EYA1: variants seen among roughly 807,000 people sequenced by gnomAD.
EYA1 encodes the protein EYA transcriptional coactivator and phosphatase 1.
EYA1 carries 16 observed loss-of-function variants against 82.0 expected under a neutral mutation model. That is an observed-to-expected ratio of 0.20 (90% CI 0.13 to 0.30). The LOEUF is 0.30. EYA1 is among the 10% of genes least tolerant of loss of function. The pLI, the probability that EYA1 is intolerant of heterozygous loss-of-function variation, is 1.00. For synonymous variants in EYA1, 261 were observed against 264.4 expected (o/e 0.99, Z 0.12); for missense variants, 633 against 730.7 (o/e 0.87, Z 1.54).
chr8:71,226,312 C>T (rs1810548471), intron 12 of EYA1, among the ~76,000 whole-genome samples: 1 of 151,870 alleles, frequency 6.6e-6, no homozygotes, highest in Admixed American at 6.6e-5. Flanking sequence ...CTTACAGAAT[C>T]CCAAAGGTAT....
chr8:71,331,250 A>C (rs1370193140), intron 4 of EYA1, among the ~76,000 whole-genome samples: 1 of 59,896 alleles, frequency 1.7e-5, no homozygotes, highest in African/African-American at 7.4e-5. Context: ...ATAAATACAC[A>C]CACACACACA....
chr8:71,500,856 A>T lies in EYA1; in HGVS notation c.33+34888T>A, dbSNP rs140610372. ...TAAAAGACCTTTAAAAGCAACATAGATTCCTTACCTCAGCCAAATCTTCAT... is the reference window on the plus strand; with the variant it reads ...TAAAAGACCTTTAAAAGCAACATAGTTTCCTTACCTCAGCCAAATCTTCAT... On this transcript the variant is annotated intron_variant, in intron 2 of 18. Coordinates refer to the EYA1 transcript ENST00000643681. 2.3e-3 allele frequency among the ~76,000 whole-genome samples: 354 copies of T among 152,292 alleles called. 3 individuals are homozygous for T. The highest frequency in any genetic ancestry group is 0.016 in the East Asian group (81 of 5,176).
chr8:71,268,660 T>C (rs1816155751), intron 11 of EYA1, among the ~76,000 whole-genome samples: 1 of 152,196 alleles, frequency 6.6e-6, no homozygotes, highest in East Asian at 1.9e-4. Flanking sequence ...GAACAGGAAT[T>C]AAAATGGTGG....
chr8:71,439,677 A>G (rs1265703539), intron 2 of EYA1, among the ~76,000 whole-genome samples: 7 of 152,204 alleles, frequency 4.6e-5, no homozygotes, highest in Admixed American at 6.6e-5. Context: ...GGTCTGGGTC[A>G]ATCCTTCTCC....
In EYA1 at chr8:71,482,169, G is replaced by A. The variant is rs1810213055; in HGVS notation, c.33+53575C>T. On this transcript the variant is annotated intron_variant, in intron 2 of 18. Transcript: ENST00000643681. ...ATATCTAACATAGGACTTATATGCA[G>A]GATATAAAAAGAACACCTACAAATC... Among the ~76,000 whole-genome samples the A allele has an allele frequency of 2.6e-5, 4 of 152,010 alleles. No individual in the cohort carries two copies. The South Asian group carries it at 8.3e-4, about 32-fold the overall frequency.
At chr8:71,358,938 C>T (rs1478027938) in intron 1 of EYA1, among the ~76,000 whole-genome samples, 1 of 152,122 alleles carries the variant, frequency 6.6e-6, no homozygotes. Flanking sequence ...TTCTGCTTTA[C>T]ACCCATAAAC....
intron 11 of EYA1, among the ~76,000 whole-genome samples, chr8:71,254,253 A>AG (rs1814121437): frequency 6.7e-6 from 1 of 149,508 alleles, no homozygotes; most frequent in African/African-American, 2.5e-5. Flanking sequence ...CAAAAAAAAA[A>AG]AAAAAAAAAA....
intron 9 of EYA1, among the ~76,000 whole-genome samples, chr8:71,297,721 A>G (rs1819745112): frequency 6.6e-6 from 1 of 152,180 alleles, no homozygotes; most frequent in Non-Finnish European, 1.5e-5. Flanking sequence ...TAATAAATTC[A>G]ATGCATTCTA....
intron 12 of EYA1, among the ~76,000 whole-genome samples, chr8:71,231,532 T>C (rs1811193923): frequency 1.3e-5 from 2 of 152,202 alleles, no homozygotes; most frequent in African/African-American, 4.8e-5. Context: ...GGGATAGCCA[T>C]CCCATCTCTC....
At chr8:71,355,005 A>C in intron 2 of EYA1, 96 bp from the exon 3 acceptor site, 1 of 1,217,428 alleles carries the variant, frequency 8.2e-7, no homozygotes, top group African/African-American at 1.5e-5. Flanking sequence ...ACACACTTGC[A>C]CAAAAGTCCC....
intron 11 of EYA1, among the ~76,000 whole-genome samples, chr8:71,262,765 A>G (rs72654134): frequency 0.021 from 3,160 of 152,308 alleles, 57 homozygotes; most frequent in South Asian, 0.042. Context: ...AAAGAGAGAA[A>G]CCTTCAAGAT....
At chr8:71,296,648 G>A (rs181008158) in intron 9 of EYA1, among the ~76,000 whole-genome samples, 59 of 150,560 alleles carry the variant, frequency 3.9e-4, no homozygotes, top group Admixed American at 1.5e-3. Context: ...AAAAAGACCC[G>A]AAATTATTCC....
chr8:71,485,239 T>G (rs773251832), intron 2 of EYA1, among the ~76,000 whole-genome samples: 1 of 152,242 alleles, frequency 6.6e-6, no homozygotes, highest in Non-Finnish European at 1.5e-5. Context: ...AAGATTCATG[T>G]ATTTTTTTAA....
At chr8:71,290,212 C>T (rs1818846390) in intron 9 of EYA1, among the ~76,000 whole-genome samples, 1 of 152,166 alleles carries the variant, frequency 6.6e-6, no homozygotes, top group Admixed American at 6.5e-5. Context: ...AGCCACTTAC[C>T]AAACGATGAA....
intron 11 of EYA1, among the ~76,000 whole-genome samples, chr8:71,262,567 G>A (rs1229695206): frequency 6.6e-6 from 1 of 152,198 alleles, no homozygotes; most frequent in Non-Finnish European, 1.5e-5. Context: ...CAGAGCAAGG[G>A]AGGTCCAAAG....
At chr8:71,440,023 G>C (rs910236624) in intron 2 of EYA1, among the ~76,000 whole-genome samples, 2 of 152,150 alleles carry the variant, frequency 1.3e-5, no homozygotes, top group African/African-American at 4.8e-5. Context: ...CCAAAGCAAA[G>C]ATGGCTTCTA....
intron 2 of EYA1, among the ~76,000 whole-genome samples, chr8:71,482,571 C>A (rs1586805036): frequency 6.6e-6 from 1 of 152,044 alleles, no homozygotes; most frequent in Non-Finnish European, 1.5e-5. Context: ...CATGTGTTCA[C>A]CAAATGACAT....
At chr8:71,406,612 C>G (rs541589891) in intron 2 of EYA1, among the ~76,000 whole-genome samples, 1 of 152,276 alleles carries the variant, frequency 6.6e-6, no homozygotes, top group East Asian at 1.9e-4. Context: ...AAAGGGGTGA[C>G]GGATGCACCT....
At chr8:71,209,342 TG>T (rs1343282656) in intron 17 of EYA1, among the ~76,000 whole-genome samples, 1 of 152,152 alleles carries the variant, frequency 6.6e-6, no homozygotes, top group Non-Finnish European at 1.5e-5. Context: ...ATGACACTAG[TG>T]GTTGGTCGTC....
Sources: allele counts gnomAD v4.1 joint callset (sites outside exome capture counted in the v4.1 genomes callset), GRCh38; gene constraint gnomAD v4.1.1; transcripts MANE v1.5; gene names NCBI Gene and HGNC (gene_info 2026-07-23, HGNC 2026-07-21).